Variants in HOGA1 observed in about 807,000 individuals in gnomAD.
HOGA1 encodes the protein 4-hydroxy-2-oxoglutarate aldolase 1.
Under a neutral mutation model 34.3 loss-of-function variants are expected in HOGA1, and 30 were observed. That is an observed-to-expected ratio of 0.87 (90% CI 0.65 to 1.19). The LOEUF (loss-of-function observed/expected upper bound fraction) is 1.19. HOGA1 is among the 50% of genes most tolerant of loss of function. The probability of loss-of-function intolerance (pLI) is 0.00; values close to 1 mark genes in which losing one functional copy is unlikely to be tolerated. For synonymous variants in HOGA1, 161 were observed against 174.0 expected (o/e 0.93, Z 0.59); for missense variants, 417 against 436.5 (o/e 0.96, Z 0.40).
chr10:97,600,314 G>A (rs1364990195), intron 5 of HOGA1, 151 bp downstream of exon 5: 26 of 709,308 alleles, frequency 3.7e-5, no homozygotes, highest in East Asian at 5.4e-5. Flanking sequence ...ACCTGGCCAC[G>A]CCGCTTACCT....
At chr10:97,596,701 TA>T (rs2041074433) in intron 1 of HOGA1, among the ~76,000 whole-genome samples, 1 of 66,222 alleles carries the variant, frequency 1.5e-5, no homozygotes, top group Admixed American at 1.7e-4. Flanking sequence ...CAATGCAAAA[TA>T]ACTACCAAAA....
chr10:97,605,494 C>T (rs1233655291), intron 6 of HOGA1, among the ~76,000 whole-genome samples: 1 of 152,012 alleles, frequency 6.6e-6, no homozygotes. Context: ...CCTGCTAAAC[C>T]TTTCCAGAGC....
At chr10:97,589,003 A>G (rs1397970394) in intron 1 of HOGA1, among the ~76,000 whole-genome samples, 1 of 152,120 alleles carries the variant, frequency 6.6e-6, no homozygotes. Flanking sequence ...TCACAACCCG[A>G]ACCATGCCTA....
intron 6 of HOGA1, among the ~76,000 whole-genome samples, chr10:97,607,808 AT>A (rs548933238): frequency 1.5e-3 from 232 of 152,220 alleles, no homozygotes; most frequent in African/African-American, 2.2e-3. Context: ...CTAAATGGTG[AT>A]TTTTTTCCCC....
chr10:97,584,993 C>T (rs1442544367), intron 1 of HOGA1, 79 bp downstream of exon 1: 5 of 1,171,674 alleles, frequency 4.3e-6, no homozygotes, highest in South Asian at 3.8e-5. Context: ...GGTACACAGG[C>T]TCTGTCAAGC....
rs964651402 is a variant in HOGA1, at chr10:97,603,685, C to T, written c.834+1695C>T. On this transcript the variant is annotated intron_variant, in intron 6 of 6. Coordinates refer to ENST00000370646, the MANE Select transcript of HOGA1 (RefSeq NM_138413.4). The surrounding 1 kb of genome is among the most constrained non-coding windows in gnomAD (Gnocchi z 4.5). ...TCAAGCAATTCTCCTGCCTCAGCCT[C>T]CCAAGTAGCTGGGATTACAGATGCC... is the stretch of plus-strand genomic sequence containing the variant. 1.3e-5 allele frequency among the ~76,000 whole-genome samples: 2 copies of T among 152,152 alleles called. No individual in the cohort carries two copies. The highest frequency in any genetic ancestry group is 4.8e-5 in the African/African-American group (2 of 41,442).
chr10:97,611,621 G>A lies in HOGA1; in HGVS notation c.946G>A (p.Ala316Thr), dbSNP rs1193862764. Residue 316 changes from alanine to threonine, a missense_variant, in exon 7 of 7, where the codon GCA becomes ACA. Physicochemically the swap from Ala to Thr is moderately conservative, Grantham distance 58. Coordinates refer to ENST00000370646, the MANE Select transcript of HOGA1 (RefSeq NM_138413.4). ...GGAGCTGAGCCCCGCTGAGGAGGAG[G>A]CACTGCGCATGGATTTCACCAGCAA... ...LQELSPAEEE[A>T]LRMDFTSNGW... is the part of the protein sequence containing the mutation. 2 of 1,613,934 alleles carry A rather than the reference G, an allele frequency of 1.2e-6. No individual in the cohort carries two copies. The highest frequency in any genetic ancestry group is 2.7e-5 in the African/African-American group (2 of 74,942).
intron 6 of HOGA1, among the ~76,000 whole-genome samples, chr10:97,606,155 G>T (rs1241708234): frequency 3.1e-5 from 4 of 127,902 alleles, no homozygotes; most frequent in Non-Finnish European, 6.7e-5. Context: ...AAAAAAATTA[G>T]CTGCGGGTAG....
chr10:97,590,368 C>T (rs1243642516), intron 1 of HOGA1: 4 of 1,613,956 alleles, frequency 2.5e-6, no homozygotes, highest in Non-Finnish European at 2.5e-6. Context: ...ACTCAGGTCA[C>T]CTAGAGTCCA....
chr10:97,607,099 A>T (rs1400198026), intron 6 of HOGA1, among the ~76,000 whole-genome samples: 1 of 109,992 alleles, frequency 9.1e-6, no homozygotes, highest in Non-Finnish European at 1.9e-5. Flanking sequence ...GCCAGACCCC[A>T]TCTCTTAAAA....
Position 97,598,823 on chromosome 10 carries a change from GT to G in HOGA1, c.261del (p.Ser87ArgfsTer7), listed in dbSNP as rs2041091178. On this transcript the variant is annotated frameshift_variant, in exon 2 of 7. Transcript: ENST00000370646. LOFTEE classifies it high-confidence loss of function. Reference protein sequence around the residue: ...SNGEFPFLTSSERLEVVSRVR... With the variant: ...SNGEFPFLTSXERLEVVSRVR... ...GGCGAGTTTCCTTTCCTGACCAGCA[GT>G]GAGCGCCTCGAGGTGGTGAGCCGTG... is the stretch of plus-strand genomic sequence containing the variant. 6.2e-7 allele frequency: 1 copy of G among 1,614,096 alleles called. No homozygotes were observed. Among genetic ancestry groups the G allele is most frequent in the African/African-American group, 1.3e-5 (1 of 74,932 alleles).
intron 1 of HOGA1, chr10:97,590,258 G>A (rs999178434): frequency 6.2e-7 from 1 of 1,613,852 alleles, no homozygotes; most frequent in South Asian, 1.1e-5. Context: ...ATCCACTGAT[G>A]AGGCCACGTG....
In HOGA1 at chr10:97,599,194, C is replaced by A; in HGVS notation, c.446C>A (p.Ala149Asp). The A allele has an allele frequency of 6.2e-7, 1 of 1,613,932 alleles. No individual in the cohort carries two copies. The highest frequency in any genetic ancestry group is 8.5e-7 in the Non-Finnish European group (1 of 1,180,030). ...TATCGTGGCCGCATGAGCAGTGCGG[C>A]CCTCATTCACCACTACACCAAGGTG... ...CYYRGRMSSA[A>D]LIHHYTKVAD... is the part of the protein sequence containing the mutation. Residue 149 changes from alanine to aspartate, a missense_variant, in exon 3 of 7, where the codon GCC becomes GAC. By Grantham distance (126) the Ala-to-Asp change is moderately radical. Coordinates refer to ENST00000370646, the MANE Select transcript of HOGA1 (RefSeq NM_138413.4).
chr10:97,584,533 C>A lies in HOGA1; in HGVS notation c.-171C>A. ...ACAGGGCCCCCTGGGGCCTATAGGCCTTGCCCCTGACCCTGGGAACACCCA... is the reference window on the plus strand; with the variant it reads ...ACAGGGCCCCCTGGGGCCTATAGGCATTGCCCCTGACCCTGGGAACACCCA... On this transcript the variant is annotated 5_prime_UTR_variant, in exon 1 of 7. Transcript: ENST00000370646. 1.6e-6 allele frequency: 1 copy of A among 643,142 alleles called. No individual in the cohort carries two copies. The highest frequency in any genetic ancestry group is 2.7e-6 in the Non-Finnish European group (1 of 366,276). 39.8% of individuals were successfully genotyped at this position (643,142 alleles called of 1,614,324 possible).
At chr10:97,599,536 A>G in intron 3 of HOGA1, 144 bp from the exon 4 acceptor site, 1 of 1,041,370 alleles carries the variant, frequency 9.6e-7, no homozygotes, top group South Asian at 1.3e-5. Context: ...GATTGCTTAC[A>G]CTCGGGGCAC....
In HOGA1 at chr10:97,584,837, C is replaced by T. The variant is rs764396564; in HGVS notation, c.134C>T (p.Pro45Leu). 76 of 1,613,988 alleles carry T rather than the reference C, an allele frequency of 4.7e-5. 1 individual carries two copies. In the South Asian group the frequency reaches 8.1e-4, roughly 17 times the overall value. Residue 45 changes from proline to leucine, a missense_variant, in exon 1 of 7, where the codon CCC becomes CTC. By Grantham distance (98) the Pro-to-Leu change is moderately conservative. Coordinates refer to ENST00000370646, the MANE Select transcript of HOGA1 (RefSeq NM_138413.4). ...IAGIYPPVTT[P>L]FTATAEVDYG... ...GGTATCTACCCCCCTGTGACCACCC[C>T]CTTCACTGCCACTGCAGAGGTGGAC...
intron 1 of HOGA1, among the ~76,000 whole-genome samples, chr10:97,594,719 G>T (rs573318918): frequency 6.6e-6 from 1 of 152,130 alleles, no homozygotes; most frequent in East Asian, 1.9e-4. Flanking sequence ...TCGAACTCCT[G>T]GCCTCAAATA....
chr10:97,590,256 A>AT lies in HOGA1; in HGVS notation c.211+5343dup, dbSNP rs1213609038. 6.8e-6 allele frequency: 11 copies of AT among 1,613,758 alleles called. No homozygotes were observed. The Admixed American group carries it at 1.8e-4, about 27-fold the overall frequency. ...GAGTCTGGAAAAGCCCCATCCACTG[A>AT]TGAGGCCACGTGGGCCGCTGTGGCT... is the stretch of plus-strand genomic sequence containing the variant. On this transcript the variant is annotated intron_variant, in intron 1 of 6. Coordinates refer to ENST00000370646, the MANE Select transcript of HOGA1 (RefSeq NM_138413.4).
intron 1 of HOGA1, among the ~76,000 whole-genome samples, chr10:97,593,498 AAAAT>A (rs1236500936): frequency 6.6e-6 from 1 of 152,162 alleles, no homozygotes; most frequent in African/African-American, 2.4e-5. Context: ...AAAAAAGAAA[AAAAT>A]AAATAAAGTT....
Sources: gnomAD v4.1 joint callset for allele counts (sites outside exome capture counted in the v4.1 genomes callset) on GRCh38, gnomAD v4.1.1 for gene constraint, Gnocchi (gnomAD v3.1) non-coding constraint, MANE v1.5 for transcripts, NCBI Gene and HGNC (gene_info 2026-07-23, HGNC 2026-07-21) for gene names.